PTPRM: variants seen among roughly 807,000 people sequenced by gnomAD.
The protein encoded by PTPRM is protein tyrosine phosphatase receptor type M.
A neutral mutation model predicts 186.7 loss-of-function variants in PTPRM; 47 were observed. The ratio of observed to expected loss-of-function variants is 0.25; its 90% CI spans 0.20 to 0.32. The LOEUF (loss-of-function observed/expected upper bound fraction) is 0.32. PTPRM is among the 10% of genes least tolerant of loss of function. PTPRM has a pLI of 1.00. For synonymous variants in PTPRM, 668 were observed against 674.9 expected (o/e 0.99, Z 0.16); for missense variants, 1,494 against 1,865.0 (o/e 0.80, Z 3.66).
intron 5 of PTPRM, among the ~76,000 whole-genome samples, chr18:7,936,085 G>C (rs1271006462): frequency 6.6e-6 from 1 of 152,186 alleles, no homozygotes; most frequent in African/African-American, 2.4e-5. Context: ...CCATGGTTGG[G>C]GCTGCCTGCT....
chr18:7,927,208 A>G (rs1342829803), intron 5 of PTPRM, among the ~76,000 whole-genome samples: 1 of 152,148 alleles, frequency 6.6e-6, no homozygotes, highest in African/African-American at 2.4e-5. Context: ...AAATTCCACC[A>G]TATGTGTTTT....
chr18:8,238,865 C>T (rs935694920), intron 14 of PTPRM, among the ~76,000 whole-genome samples: 5 of 151,432 alleles, frequency 3.3e-5, no homozygotes, highest in African/African-American at 1.2e-4. Context: ...TCCTCTCCCC[C>T]ACCGTTAGTT....
At chr18:8,276,037 G>C (rs1671751953) in intron 19 of PTPRM, among the ~76,000 whole-genome samples, 1 of 151,912 alleles carries the variant, frequency 6.6e-6, no homozygotes, top group Non-Finnish European at 1.5e-5. Flanking sequence ...CACTGTCTTT[G>C]TTGCGGGCAT....
intron 14 of PTPRM, 90 bp from the exon 15 acceptor site, chr18:8,243,968 A>G (rs2094454654): frequency 2.4e-6 from 3 of 1,264,796 alleles, no homozygotes; most frequent in Admixed American, 2.4e-5. Context: ...AATTCAGTAG[A>G]TGTTATTCCT....
At chr18:8,111,512 C>T (rs1251592505) in intron 11 of PTPRM, among the ~76,000 whole-genome samples, 1 of 151,870 alleles carries the variant, frequency 6.6e-6, no homozygotes, top group Non-Finnish European at 1.5e-5. Flanking sequence ...ACTTGGGAGG[C>T]TGGGGTGGGA....
intron 7 of PTPRM, among the ~76,000 whole-genome samples, chr18:7,994,534 C>T (rs1451463049): frequency 6.6e-6 from 1 of 152,106 alleles, no homozygotes; most frequent in African/African-American, 2.4e-5. Flanking sequence ...ACCTTCTTCT[C>T]GTCAGCACGT....
At chr18:7,576,731 A>G (rs554368950) in intron 1 of PTPRM, among the ~76,000 whole-genome samples, 2 of 152,304 alleles carry the variant, frequency 1.3e-5, no homozygotes, top group South Asian at 4.1e-4. Context: ...TCAGCCTCCC[A>G]AAGTGCTGGG....
At chr18:8,392,671 C>T (rs1203756330) in intron 31 of PTPRM, among the ~76,000 whole-genome samples, 1 of 151,392 alleles carries the variant, frequency 6.6e-6, no homozygotes, top group African/African-American at 2.4e-5. Context: ...AGAGTGACTG[C>T]AGAGTTGATG....
At chr18:7,625,608 C>T (rs927220108) in intron 1 of PTPRM, among the ~76,000 whole-genome samples, 1 of 152,148 alleles carries the variant, frequency 6.6e-6, no homozygotes, top group Non-Finnish European at 1.5e-5. Flanking sequence ...GATCTCGGCT[C>T]ACTGCAACCT....
At chr18:7,821,757 T>C (rs2045209547) in intron 2 of PTPRM, among the ~76,000 whole-genome samples, 1 of 152,178 alleles carries the variant, frequency 6.6e-6, no homozygotes, top group Admixed American at 6.5e-5. Flanking sequence ...GTTGGCCTCA[T>C]AACTGAGCTG....
intron 14 of PTPRM, among the ~76,000 whole-genome samples, chr18:8,174,009 T>C (rs1476198893): frequency 1.3e-5 from 2 of 150,250 alleles, no homozygotes; most frequent in Non-Finnish European, 2.9e-5. Flanking sequence ...GAGGTTGCAG[T>C]GAGCTGAGAT....
intron 7 of PTPRM, 70 bp downstream of exon 7, chr18:7,955,484 A>G: frequency 6.5e-7 from 1 of 1,527,706 alleles, no homozygotes; most frequent in Non-Finnish European, 8.8e-7. Context: ...ACTGGGGTTG[A>G]TCAGATGCCT....
intron 13 of PTPRM, among the ~76,000 whole-genome samples, chr18:8,115,550 A>G (rs1403245664): frequency 1.3e-5 from 2 of 152,214 alleles, no homozygotes; most frequent in Admixed American, 6.5e-5. Flanking sequence ...GAAATTTAAA[A>G]TGTCGTCTTA....
intron 1 of PTPRM, among the ~76,000 whole-genome samples, chr18:7,661,882 T>C (rs1183148333): frequency 2.0e-5 from 3 of 152,198 alleles, no homozygotes; most frequent in Non-Finnish European, 4.4e-5. Flanking sequence ...TCTGATCTTA[T>C]TTTTAATGGC....
chr18:8,189,170 A>C (rs1046042692), intron 14 of PTPRM, among the ~76,000 whole-genome samples: 2 of 151,554 alleles, frequency 1.3e-5, no homozygotes, highest in Non-Finnish European at 2.9e-5. Context: ...GGTGGTGTGC[A>C]CCTGTGGTCC....
intron 19 of PTPRM, among the ~76,000 whole-genome samples, chr18:8,274,970 A>G (rs1025817185): frequency 6.6e-6 from 1 of 152,238 alleles, no homozygotes; most frequent in East Asian, 1.9e-4. Flanking sequence ...TTCAGCCTGC[A>G]GTCACTGTAG....
intron 4 of PTPRM, among the ~76,000 whole-genome samples, chr18:7,921,401 G>GTT (rs2050856594): frequency 6.6e-5 from 9 of 137,150 alleles, no homozygotes; most frequent in Admixed American, 2.3e-4. Flanking sequence ...TTTTTTTTGA[G>GTT]ACAGAGTCTT....
At chr18:8,132,275 T>C (rs544793213) in intron 13 of PTPRM, among the ~76,000 whole-genome samples, 1 of 152,344 alleles carries the variant, frequency 6.6e-6, no homozygotes, top group African/African-American at 2.4e-5. Flanking sequence ...CTTATATGTC[T>C]TTGAATAATT....
At chr18:7,750,166 C>T (rs1051660436) in intron 1 of PTPRM, among the ~76,000 whole-genome samples, 7 of 152,092 alleles carry the variant, frequency 4.6e-5, no homozygotes, top group African/African-American at 1.4e-4. Context: ...TCTCTGTTAT[C>T]GCTTTAATAA....
Sources: gnomAD v4.1 joint callset for allele counts (sites outside exome capture counted in the v4.1 genomes callset) on GRCh38, gnomAD v4.1.1 for gene constraint, MANE v1.5 for transcripts, NCBI Gene and HGNC (gene_info 2026-07-23, HGNC 2026-07-21) for gene names.